ZNRF3: variants seen among roughly 807,000 people sequenced by gnomAD.
ZNRF3 encodes zinc and ring finger 3.
ZNRF3 carries 23 observed loss-of-function variants against 72.5 expected under a neutral mutation model. That is an observed-to-expected ratio of 0.32 (90% CI 0.23 to 0.45). The LOEUF (loss-of-function observed/expected upper bound fraction) is 0.45, where lower values mean the gene tolerates loss of function less well. Among genes scored for constraint, ZNRF3 ranks in the 20% least tolerant of loss-of-function variants. The pLI is 1.00. For synonymous variants in ZNRF3, 610 were observed against 545.3 expected (o/e 1.12, Z -1.65); for missense variants, 1,169 against 1,272.1 (o/e 0.92, Z 1.23).
intron 2 of ZNRF3, among the ~76,000 whole-genome samples, chr22:29,020,402 A>G (rs1217333403): frequency 4.6e-5 from 7 of 151,852 alleles, no homozygotes; most frequent in African/African-American, 1.7e-4. Flanking sequence ...CTGGGACTAC[A>G]GGTGCATGCC....
intron 2 of ZNRF3, among the ~76,000 whole-genome samples, chr22:28,993,466 A>G (rs959323869): frequency 2.6e-5 from 4 of 152,146 alleles, no homozygotes; most frequent in Non-Finnish European, 5.9e-5. Context: ...GGTGGGTGGA[A>G]AATTGAACCA....
chr22:28,894,611 G>A (rs2033957276), intron 1 of ZNRF3, among the ~76,000 whole-genome samples: 1 of 152,256 alleles, frequency 6.6e-6, no homozygotes, highest in South Asian at 2.1e-4. Flanking sequence ...TCAGTTGCTG[G>A]TTTCTGCCCT....
At chr22:29,001,988 A>T (rs1031627334) in intron 2 of ZNRF3, among the ~76,000 whole-genome samples, 2 of 152,174 alleles carry the variant, frequency 1.3e-5, no homozygotes, top group Non-Finnish European at 2.9e-5. Context: ...CTTTTAAGTT[A>T]ATAGAGGGTC....
At chr22:28,918,537 C>CGTGTGTGTGTGTGTGT (rs56876101) in intron 1 of ZNRF3, among the ~76,000 whole-genome samples, 2 of 148,744 alleles carry the variant, frequency 1.3e-5, no homozygotes, top group African/African-American at 5.0e-5. Flanking sequence ...TGCATGTGTG[C>CGTGTGTGTGTGTGTGT]GTGTGTGTGT....
chr22:28,969,231 C>T (rs1251109018), intron 1 of ZNRF3, among the ~76,000 whole-genome samples: 1 of 152,232 alleles, frequency 6.6e-6, no homozygotes, highest in Admixed American at 6.5e-5. Flanking sequence ...CTCCCAGCAC[C>T]ACCACCTACA....
intron 4 of ZNRF3, 64 bp from the exon 5 acceptor site, chr22:29,044,716 G>C: frequency 9.0e-7 from 1 of 1,116,388 alleles, no homozygotes; most frequent in Non-Finnish European, 1.4e-6. Context: ...AGCCAAGATA[G>C]CCCATGTGCC....
rs1305185640 is a variant in ZNRF3 at position 29,056,568 on chromosome 22, AGTGGT to A, written c.*2950_*2954del. 1.3e-5 allele frequency: 2 copies of A among 152,140 alleles called. No individual in the cohort carries two copies. The highest frequency in any genetic ancestry group is 2.4e-5 in the African/African-American group (1 of 41,424). 9.4% of individuals were successfully genotyped at this position (152,140 alleles called of 1,614,324 possible). A position where few individuals can be genotyped will look rare whatever the true frequency, so the allele number is the denominator to read the frequency against. ...CAGACACCCTTTTCGGTGGACTCTG[AGTGGT>A]GTGTAGTGGTTTTATAGCCATGGAA... On this transcript the variant is annotated 3_prime_UTR_variant, in exon 9 of 9. Transcript: ENST00000544604.
At chr22:28,954,186 A>G (rs1287683056) in intron 1 of ZNRF3, among the ~76,000 whole-genome samples, 1 of 152,120 alleles carries the variant, frequency 6.6e-6, no homozygotes, top group Non-Finnish European at 1.5e-5. Context: ...ACAAAATACC[A>G]TGGACTGTGT....
chr22:29,036,181 TATC>T, intron 2 of ZNRF3, among the ~76,000 whole-genome samples: 1 of 152,350 alleles, frequency 6.6e-6, no homozygotes. Flanking sequence ...AAATTGTTCA[TATC>T]ATGCACATAT....
chr22:28,987,219 G>A lies in ZNRF3; in HGVS notation c.426+18G>A, dbSNP rs2035870482. On this transcript the variant is annotated intron_variant, in intron 2 of 8. Coordinates refer to ENST00000544604, the MANE Select transcript of ZNRF3 (RefSeq NM_001206998.2). Reference sequence around the variant, plus strand: ...TAGGCAAGGTAAGCACCAGGCCCTTGGAATCACTGTGTTTCTGGTTGGTGT... The same window carrying A: ...TAGGCAAGGTAAGCACCAGGCCCTTAGAATCACTGTGTTTCTGGTTGGTGT... 6.3e-7 allele frequency: 1 copy of A among 1,598,664 alleles called. No homozygotes were observed. Among genetic ancestry groups the A allele is most frequent in the South Asian group, 1.1e-5 (1 of 87,888 alleles).
At chr22:28,983,964 G>C (rs1448517322) in intron 1 of ZNRF3, among the ~76,000 whole-genome samples, 1 of 151,780 alleles carries the variant, frequency 6.6e-6, no homozygotes, top group East Asian at 1.9e-4. Context: ...GTAGTATTCT[G>C]CAGGACCCAG....
At chr22:28,893,516 G>A (rs746411532) in intron 1 of ZNRF3, among the ~76,000 whole-genome samples, 6 of 141,990 alleles carry the variant, frequency 4.2e-5, no homozygotes, top group East Asian at 2.0e-4. Context: ...TTTTTTTTTC[G>A]AGACAAGTTC....
chr22:28,958,617 G>A (rs992592385), intron 1 of ZNRF3, among the ~76,000 whole-genome samples: 1 of 152,150 alleles, frequency 6.6e-6, no homozygotes, highest in African/African-American at 2.4e-5. Flanking sequence ...TGTAAAGACC[G>A]AACACTGGAA....
chr22:29,038,822 C>T (rs2036908742), intron 2 of ZNRF3, among the ~76,000 whole-genome samples: 1 of 152,100 alleles, frequency 6.6e-6, no homozygotes, highest in African/African-American at 2.4e-5. Context: ...TAGTAGTTTA[C>T]ATTAAATATT....
intron 1 of ZNRF3, among the ~76,000 whole-genome samples, chr22:28,974,802 A>G (rs528717378): frequency 6.6e-6 from 1 of 152,132 alleles, no homozygotes; most frequent in South Asian, 2.1e-4. Flanking sequence ...CATGCCACCT[A>G]ATTTTTTAAT....
In ZNRF3 at chr22:28,937,215, ATTTTTTTTTT is replaced by A. The variant is rs370829828; in HGVS notation, c.301-49847_301-49838del. Reference sequence around the variant, plus strand: ...TATATATATATATATATATATATATATTTTTTTTTTTTTTTTTTTTTTTAACAAAAGGAAA... The same window carrying A: ...TATATATATATATATATATATATATATTTTTTTTTTTTTAACAAAAGGAAA... On this transcript the variant is annotated intron_variant, in intron 1 of 8. Coordinates refer to ENST00000544604, the MANE Select transcript of ZNRF3 (RefSeq NM_001206998.2). 1.4e-3 allele frequency among the ~76,000 whole-genome samples: 12 copies of A among 8,858 alleles called. No individual in the cohort carries two copies. The East Asian group carries it at 0.043, about 32-fold the overall frequency. 5.8% of individuals were successfully genotyped at this position (8,858 alleles called of 152,430 possible). A position where few individuals can be genotyped will look rare whatever the true frequency, so the allele number is the denominator to read the frequency against.
intron 2 of ZNRF3, among the ~76,000 whole-genome samples, chr22:28,988,378 T>TA (rs1411454790): frequency 6.6e-6 from 1 of 152,150 alleles, no homozygotes; most frequent in Non-Finnish European, 1.5e-5. Flanking sequence ...TTTCCAGACT[T>TA]AAAGTAGCCC....
At chr22:28,928,492 T>A (rs1359809717) in intron 1 of ZNRF3, among the ~76,000 whole-genome samples, 7 of 21,724 alleles carry the variant, frequency 3.2e-4, no homozygotes, top group African/African-American at 5.7e-4. Context: ...AGAAATGTCT[T>A]TTTTTTTTTT....
intron 1 of ZNRF3, among the ~76,000 whole-genome samples, chr22:28,895,446 G>C (rs558812276): frequency 1.3e-5 from 2 of 152,358 alleles, no homozygotes; most frequent in African/African-American, 4.8e-5. Flanking sequence ...TTGGGAGGCT[G>C]AGGCGGGTGG....
Sources: allele counts gnomAD v4.1 joint callset (sites outside exome capture counted in the v4.1 genomes callset), GRCh38; gene constraint gnomAD v4.1.1; transcripts MANE v1.5; gene names NCBI Gene and HGNC (gene_info 2026-07-23, HGNC 2026-07-21).